The following SPATA16 variants were observed in gnomAD, a reference collection of about 807,000 sequenced individuals.
SPATA16 encodes spermatogenesis associated 16, also known as spermatogenesis-associated protein 16.
In SPATA16, 36 loss-of-function variants were observed where a neutral mutation model predicts 63.3. That is an observed-to-expected ratio of 0.57 (90% CI 0.44 to 0.75). SPATA16 has a LOEUF of 0.75. SPATA16 is among the 30% of genes least tolerant of loss of function. The pLI, the probability that SPATA16 is intolerant of heterozygous loss-of-function variation, is 0.00. For synonymous variants in SPATA16, 203 were observed against 216.7 expected, an observed-to-expected ratio of 0.94 and a Z score of 0.56; for missense variants, 646 against 679.3, an observed-to-expected ratio of 0.95 and a Z score of 0.54.
intron 2 of SPATA16, among the ~76,000 whole-genome samples, chr3:173,086,661 G>A (rs958142506): frequency 6.6e-6 from 1 of 152,030 alleles, no homozygotes; most frequent in African/African-American, 2.4e-5. Context: ...CTAGCTTTCT[G>A]ATGTGGGCAT....
chr3:173,048,152 A>G (rs576757827), intron 3 of SPATA16, among the ~76,000 whole-genome samples: 2 of 152,268 alleles, frequency 1.3e-5, no homozygotes, highest in African/African-American at 2.4e-5. Context: ...AAAGAAGTAC[A>G]GGATGTGAGA....
At chr3:173,123,440 C>G (rs912375828) in intron 1 of SPATA16, among the ~76,000 whole-genome samples, 5 of 151,758 alleles carry the variant, frequency 3.3e-5, no homozygotes, top group African/African-American at 1.2e-4. Flanking sequence ...GGGATTTGTA[C>G]TTTCCTTACT....
intron 10 of SPATA16, among the ~76,000 whole-genome samples, chr3:172,909,281 C>G (rs1274935573): frequency 6.6e-6 from 1 of 152,154 alleles, no homozygotes; most frequent in African/African-American, 2.4e-5. Context: ...TCATTGAATA[C>G]AAATATTAAT....
At chr3:173,111,365 G>A (rs1056309827) in intron 2 of SPATA16, among the ~76,000 whole-genome samples, 3 of 151,996 alleles carry the variant, frequency 2.0e-5, no homozygotes, top group African/African-American at 4.8e-5. Flanking sequence ...AGCCGAGATC[G>A]TACCACTGCA....
chr3:172,915,539 A>G (rs1732463167), intron 9 of SPATA16, among the ~76,000 whole-genome samples: 1 of 152,206 alleles, frequency 6.6e-6, no homozygotes, highest in Non-Finnish European at 1.5e-5. Context: ...GCCTTTCCCT[A>G]CAACACACTA....
At chr3:172,979,625 G>T (rs1313547793) in intron 4 of SPATA16, among the ~76,000 whole-genome samples, 3 of 152,046 alleles carry the variant, frequency 2.0e-5, no homozygotes, top group Non-Finnish European at 4.4e-5. Flanking sequence ...AGAATTTTTA[G>T]CGCTTTTATT....
At chr3:173,105,360 C>T (rs1014459890) in intron 2 of SPATA16, among the ~76,000 whole-genome samples, 6 of 152,158 alleles carry the variant, frequency 3.9e-5, no homozygotes, top group African/African-American at 9.7e-5. Context: ...AAATTGTTCT[C>T]GCCAAAGACC....
chr3:173,131,908 C>T (rs1738396138), intron 1 of SPATA16, among the ~76,000 whole-genome samples: 1 of 152,010 alleles, frequency 6.6e-6, no homozygotes, highest in Non-Finnish European at 1.5e-5. Flanking sequence ...ACACACTATT[C>T]AGCACTTAAG....
intron 6 of SPATA16, among the ~76,000 whole-genome samples, chr3:172,952,867 G>A (rs543404071): frequency 6.6e-6 from 1 of 150,400 alleles, no homozygotes; most frequent in Non-Finnish European, 1.5e-5. Flanking sequence ...TTGAACCCGG[G>A]AGGTGGAGGT....
At chr3:173,060,090 C>G (rs571751715) in intron 2 of SPATA16, among the ~76,000 whole-genome samples, 1 of 151,798 alleles carries the variant, frequency 6.6e-6, no homozygotes, top group African/African-American at 2.4e-5. Flanking sequence ...AACCCGGTCT[C>G]TACTAAAAAT....
At chr3:173,069,624 G>T (rs1736617222) in intron 2 of SPATA16, among the ~76,000 whole-genome samples, 1 of 152,078 alleles carries the variant, frequency 6.6e-6, no homozygotes, top group Admixed American at 6.6e-5. Context: ...AATACTTCCA[G>T]ACTTATTCTA....
At chr3:173,044,301 G>T (rs186789949) in intron 3 of SPATA16, among the ~76,000 whole-genome samples, 1 of 152,156 alleles carries the variant, frequency 6.6e-6, no homozygotes, top group East Asian at 1.9e-4. Context: ...TCTATCTCTT[G>T]TCTTTATAGT....
chr3:172,965,455 C>T (rs1369572236), intron 5 of SPATA16, among the ~76,000 whole-genome samples: 1 of 152,116 alleles, frequency 6.6e-6, no homozygotes, highest in East Asian at 1.9e-4. Flanking sequence ...AGCTCATGAC[C>T]TTGGTGGTGT....
intron 2 of SPATA16, among the ~76,000 whole-genome samples, chr3:173,103,249 C>T (rs966890306): frequency 4.6e-5 from 7 of 152,298 alleles, no homozygotes; most frequent in Admixed American, 3.9e-4. Flanking sequence ...GTTCTGGGGT[C>T]TAGAAGGTGG....
chr3:172,956,722 C>G lies in SPATA16; in HGVS notation c.1036G>C (p.Ala346Pro), dbSNP rs995938659. The G allele has an allele frequency of 6.2e-7, 1 of 1,612,772 alleles. No individual in the cohort carries two copies. The highest frequency in any genetic ancestry group is 8.5e-7 in the Non-Finnish European group (1 of 1,179,420). ...RADKIEKVKD[A>P]FTKTHPAYAE... ...TATGCAGGATGAGTTTTTGTGAAAG[C>G]ATCTTTTACTTTTTCTATTTTATCA... is the stretch of plus-strand genomic sequence containing the variant. Residue 346 changes from alanine to proline, a missense_variant, in exon 6 of 11, where the codon GCT becomes CCT. Transcript: ENST00000351008.
chr3:172,927,589 A>G lies in SPATA16; in HGVS notation c.1082-2097T>C, dbSNP rs1310820510. Reference sequence around the variant, plus strand: ...AATCATGGAGTGGGAAGCAGGGCATATTATCAGGCCCACCTTACAGATGAT... The same window carrying G: ...AATCATGGAGTGGGAAGCAGGGCATGTTATCAGGCCCACCTTACAGATGAT... On this transcript the variant is annotated intron_variant, in intron 6 of 10. Coordinates refer to ENST00000351008, the MANE Select transcript of SPATA16 (RefSeq NM_031955.6). Among the ~76,000 whole-genome samples, 5 of 152,114 alleles carry G rather than the reference A, an allele frequency of 3.3e-5. No individual in the cohort carries two copies. The South Asian group carries it at 8.3e-4, about 25-fold the overall frequency.
intron 5 of SPATA16, among the ~76,000 whole-genome samples, chr3:172,960,841 G>A (rs1010603787): frequency 6.4e-5 from 9 of 140,366 alleles, no homozygotes; most frequent in African/African-American, 1.8e-4. Context: ...AAACATTTTC[G>A]GGATGATAGA....
At chr3:173,019,301 A>G (rs1460987648) in intron 4 of SPATA16, among the ~76,000 whole-genome samples, 185 bp downstream of exon 4, 1 of 152,200 alleles carries the variant, frequency 6.6e-6, no homozygotes, top group African/African-American at 2.4e-5. Context: ...AGCTATGAAC[A>G]TGGAATAGCT....
At position 173,125,798 on chromosome 3, in the gene SPATA16, C is replaced by G. The variant is rs541889144; in HGVS notation, c.-18-8049G>C. Among the ~76,000 whole-genome samples, 3 of 152,310 alleles carry G rather than the reference C, an allele frequency of 2.0e-5. No homozygotes were observed. In the East Asian group the frequency reaches 5.8e-4, roughly 29 times the overall value. On this transcript the variant is annotated intron_variant, in intron 1 of 10. Transcript: ENST00000351008. ...TCCCCCACCAGAATGTGAGAGACTGCACTTTGTATACTTAGTTCACTGCTA... is the reference window on the plus strand; with the variant it reads ...TCCCCCACCAGAATGTGAGAGACTGGACTTTGTATACTTAGTTCACTGCTA...
Sources: gnomAD v4.1 joint callset for allele counts (sites outside exome capture counted in the v4.1 genomes callset) on GRCh38, gnomAD v4.1.1 for gene constraint, MANE v1.5 for transcripts, NCBI Gene and HGNC (gene_info 2026-07-23, HGNC 2026-07-21) for gene names.